MLIP: variants seen among roughly 807,000 people sequenced by gnomAD.
MLIP encodes the protein muscular LMNA interacting protein.
Under a neutral mutation model 84.8 loss-of-function variants are expected in MLIP, and 79 were observed. The observed-to-expected ratio is 0.93, with a 90% CI of 0.78 to 1.12. MLIP has a LOEUF of 1.12. MLIP is among the 50% of genes most tolerant of loss of function. The probability of loss-of-function intolerance (pLI) is 0.00; values close to 1 mark genes in which losing one functional copy is unlikely to be tolerated. For missense variants in MLIP, 1,257 were observed against 1,160.6 expected (o/e 1.08, Z -1.21); for synonymous variants, 504 against 463.0 (o/e 1.09, Z -1.14).
rs1421434790 is a variant in MLIP, at chr6:54,138,109, C to T, written c.2040C>T (p.His680=). The T allele has an allele frequency of 1.3e-6, 2 of 1,536,136 alleles. No homozygotes were observed. The highest frequency in any genetic ancestry group is 1.7e-6 in the Non-Finnish European group (2 of 1,146,896). Residue 680 remains histidine, a synonymous_variant, in exon 4 of 14, where the codon CAC becomes CAT. Transcript: ENST00000502396. ...CCCAGCTCAGTCCCTCAGCTCTGCA[C>T]CCACATTGCGGCAGTGGTACCTTGC... ...LVPQLSPSAL[H]PHCGSGTLPS...
intron 1 of MLIP, among the ~76,000 whole-genome samples, chr6:54,052,240 T>C (rs1356524176): frequency 6.6e-6 from 1 of 152,162 alleles, no homozygotes; most frequent in African/African-American, 2.4e-5. Context: ...TAGGCTCAGA[T>C]GAACATCTAC....
At chr6:54,074,369 C>T (rs1233205826) in intron 1 of MLIP, among the ~76,000 whole-genome samples, 1 of 151,964 alleles carries the variant, frequency 6.6e-6, no homozygotes, top group African/African-American at 2.4e-5. Flanking sequence ...CATGGGACTG[C>T]TTTTCTTTTC....
chr6:54,083,447 C>A, intron 1 of MLIP: 1 of 1,516,226 alleles, frequency 6.6e-7, no homozygotes, highest in South Asian at 1.2e-5. Context: ...AGTGCTTTGT[C>A]ATCTTTGCAG....
At position 54,059,288 on chromosome 6, in the gene MLIP, G is replaced by C. The variant is rs573015202; in HGVS notation, c.63+40197G>C. Among the ~76,000 whole-genome samples, 23 of 152,284 alleles carry C rather than the reference G, an allele frequency of 1.5e-4. 1 individual carries two copies. The South Asian group carries it at 4.4e-3, about 29-fold the overall frequency. The stretch of plus-strand genomic sequence containing the variant: ...CAGGCTTTTACTCAGTCTTTCACTG[G>C]AGAATCTGGCACTCAAAATGTTGCT... On this transcript the variant is annotated intron_variant, in intron 1 of 12. Transcript: ENST00000274897.
At chr6:54,083,577 G>A (rs774898271) in intron 1 of MLIP, 15 of 1,535,822 alleles carry the variant, frequency 9.8e-6, no homozygotes, top group Admixed American at 5.9e-5. Context: ...ACGTGGCACC[G>A]GATTCCATGT....
intron 1 of MLIP, among the ~76,000 whole-genome samples, chr6:54,056,963 G>C (rs566517027): frequency 9.7e-4 from 148 of 152,260 alleles, no homozygotes; most frequent in African/African-American, 3.5e-3. Flanking sequence ...AGAAAAGTAA[G>C]TCACAGAAAA....
At chr6:54,111,424 G>A, upstream of MLIP, 1 of 1,533,500 alleles carries the variant, frequency 6.5e-7, no homozygotes, top group Admixed American at 2.0e-5. Flanking sequence ...GTTTTAGTAT[G>A]AGGCTCCCTT....
chr6:54,256,438 T>C (rs1426691757), intron 12 of MLIP, among the ~76,000 whole-genome samples: 1 of 152,182 alleles, frequency 6.6e-6, no homozygotes, highest in African/African-American at 2.4e-5. Context: ...ATCATTTCAA[T>C]AGCCCTGGTT....
At chr6:54,040,949 A>C (rs139654594) in intron 1 of MLIP, 1 of 152,180 alleles carries the variant, frequency 6.6e-6, no homozygotes, top group Non-Finnish European at 1.5e-5. Context: ...AGGGCTGAAA[A>C]ACTACCTGTT....
At chr6:54,037,534 T>A (rs1265455355) in intron 1 of MLIP, among the ~76,000 whole-genome samples, 1 of 151,940 alleles carries the variant, frequency 6.6e-6, no homozygotes, top group Admixed American at 6.6e-5. Flanking sequence ...AATAGATGTC[T>A]CCAAACAGTA....
At position 54,121,641 on chromosome 6, in the gene MLIP, A is replaced by G. The variant is rs1770466889; in HGVS notation, c.252+39A>G. On this transcript the variant is annotated intron_variant, in intron 2 of 13. Coordinates refer to ENST00000502396, the MANE Select transcript of MLIP (RefSeq NM_001281747.2). ...TATTCTTTTTTAATTTCAAACAATT[A>G]TATTAAATTTTGATAATGATGACTT... The G allele has an allele frequency of 2.1e-6, 3 of 1,445,840 alleles. 1 individual carries two copies. The highest frequency in any genetic ancestry group is 2.6e-5 in the South Asian group (2 of 76,876). The allele number at this position is 1,445,840 out of a possible 1,614,324, so 89.6% of individuals were successfully genotyped here.
chr6:54,215,153 T>C (rs1367135277), intron 11 of MLIP: 3 of 1,535,490 alleles, frequency 2.0e-6, no homozygotes. Flanking sequence ...GCACATTCTG[T>C]GGACTCCTAC....
At chr6:54,092,174 C>A (rs1052414492) in intron 1 of MLIP, among the ~76,000 whole-genome samples, 6 of 152,146 alleles carry the variant, frequency 3.9e-5, no homozygotes, top group Non-Finnish European at 5.9e-5. Context: ...TTATCACACG[C>A]ACTGGCACTA....
intron 1 of MLIP, among the ~76,000 whole-genome samples, chr6:54,064,189 C>T (rs1766138594): frequency 1.0e-5 from 1 of 99,736 alleles, no homozygotes; most frequent in African/African-American, 2.6e-5. Context: ...TTCATTCAAT[C>T]CCCAGTGTCA....
At chr6:54,252,637 C>T (rs1278685109) in intron 12 of MLIP, among the ~76,000 whole-genome samples, 1 of 151,006 alleles carries the variant, frequency 6.6e-6, no homozygotes, top group East Asian at 1.9e-4. Context: ...CTGGCCTCCT[C>T]ATAGGAGTGG....
At chr6:54,030,462 G>A (rs957071371) in intron 1 of MLIP, among the ~76,000 whole-genome samples, 3 of 152,146 alleles carry the variant, frequency 2.0e-5, no homozygotes, top group Non-Finnish European at 4.4e-5. Flanking sequence ...AGAAGAAGGA[G>A]AGTTAGGGAA....
At chr6:54,257,098 G>A (rs1783056931) in intron 12 of MLIP, among the ~76,000 whole-genome samples, 1 of 151,932 alleles carries the variant, frequency 6.6e-6, no homozygotes, top group Admixed American at 6.6e-5. Context: ...AATAAGATGT[G>A]GTCTTATACA....
intron 5 of MLIP, among the ~76,000 whole-genome samples, chr6:54,153,102 GTA>G (rs1192712300): frequency 6.6e-6 from 1 of 152,038 alleles, no homozygotes; most frequent in Non-Finnish European, 1.5e-5. Context: ...TAAGAAGTGT[GTA>G]CTTAAGAGAA....
chr6:54,121,288 A>G (rs1162694141), intron 1 of MLIP, among the ~76,000 whole-genome samples, 159 bp from the exon 2 acceptor site: 2 of 152,180 alleles, frequency 1.3e-5, no homozygotes, highest in South Asian at 4.1e-4. Context: ...ATTCTTTATA[A>G]CCATTTTTAT....
Sources: allele counts gnomAD v4.1 joint callset (sites outside exome capture counted in the v4.1 genomes callset), GRCh38; gene constraint gnomAD v4.1.1; transcripts MANE v1.5; gene names NCBI Gene and HGNC (gene_info 2026-07-23, HGNC 2026-07-21).